The following SLC44A5 variants were observed in gnomAD, a reference collection of about 807,000 sequenced individuals.
SLC44A5 encodes choline transporter-like protein 5.
In SLC44A5, 57 loss-of-function variants were observed where a neutral mutation model predicts 101.8. That is an observed-to-expected ratio of 0.56 (90% CI 0.45 to 0.70). The LOEUF (loss-of-function observed/expected upper bound fraction) is 0.70, where lower values mean the gene tolerates loss of function less well. SLC44A5 is among the 30% of genes least tolerant of loss of function. The pLI, the probability that SLC44A5 is intolerant of heterozygous loss-of-function variation, is 0.00. For synonymous variants in SLC44A5, 281 were observed against 290.9 expected (o/e 0.97, Z 0.35); for missense variants, 737 against 853.1 (o/e 0.86, Z 1.70).
intron 2 of SLC44A5, among the ~76,000 whole-genome samples, chr1:75,526,355 A>T (rs1670406780): frequency 6.6e-6 from 1 of 152,156 alleles, no homozygotes; most frequent in African/African-American, 2.4e-5. Flanking sequence ...GTACTCCCCT[A>T]CTTTTCCCAG....
Position 75,580,777 on chromosome 1 carries a change from G to A in SLC44A5, c.-70+30263C>T, listed in dbSNP as rs548446330. Among the ~76,000 whole-genome samples the A allele has an allele frequency of 8.5e-3, 1,282 of 150,556 alleles. 7 individuals carry two copies. Among genetic ancestry groups the A allele is most frequent in the Non-Finnish European group, 0.015 (988 of 67,800 alleles). On this transcript the variant is annotated intron_variant, in intron 1 of 23. Transcript: ENST00000370859. ...CAGTAGAACCTGGGAGGCAGAGGTC[G>A]CAGTGAGCTGAGATCAAGCCACTGC...
intron 2 of SLC44A5, among the ~76,000 whole-genome samples, chr1:75,416,123 T>C (rs1160419421): frequency 6.6e-6 from 1 of 152,096 alleles, no homozygotes; most frequent in Non-Finnish European, 1.5e-5. Flanking sequence ...ATGTCAGAAG[T>C]CTTCATGGCA....
chr1:75,602,682 AGT>A (rs1675049080), intron 1 of SLC44A5, among the ~76,000 whole-genome samples: 1 of 152,234 alleles, frequency 6.6e-6, no homozygotes, highest in African/African-American at 2.4e-5. Context: ...ACCAAACAAA[AGT>A]GTGATAAGAG....
At chr1:75,303,060 C>T (rs1004053) in intron 4 of SLC44A5, among the ~76,000 whole-genome samples, 91,823 of 152,014 alleles carry the variant, frequency 0.6, 28,275 homozygotes, top group East Asian at 0.85. Flanking sequence ...GGGAGAACAA[C>T]TGTATTCATA....
intron 5 of SLC44A5, among the ~76,000 whole-genome samples, chr1:75,287,949 G>GGT (rs1653206136): frequency 2.6e-5 from 4 of 152,148 alleles, no homozygotes; most frequent in African/African-American, 4.8e-5. Context: ...ATGCTTTCAA[G>GGT]ACAGCATGTA....
intron 4 of SLC44A5, among the ~76,000 whole-genome samples, chr1:75,301,625 A>AT: frequency 6.6e-6 from 1 of 152,318 alleles, no homozygotes; most frequent in African/African-American, 2.4e-5. Context: ...TTACACACTT[A>AT]TTTTTTGAAG....
At chr1:75,492,212 G>C (rs1337973165) in intron 2 of SLC44A5, among the ~76,000 whole-genome samples, 1 of 152,070 alleles carries the variant, frequency 6.6e-6, no homozygotes, top group Non-Finnish European at 1.5e-5. Context: ...TTTTTCTCTT[G>C]AAATGCACAT....
At chr1:75,331,516 T>A (rs1401206962) in intron 4 of SLC44A5, among the ~76,000 whole-genome samples, 1 of 152,174 alleles carries the variant, frequency 6.6e-6, no homozygotes, top group African/African-American at 2.4e-5. Context: ...AGTGACTGAC[T>A]CCTTCACTTA....
rs371987762 is a variant in SLC44A5 at position 75,400,586 on chromosome 1, C to T, written c.14-3965G>A. On this transcript the variant is annotated intron_variant, in intron 2 of 23. Transcript: ENST00000370859. ...CTGCACTCATTTAACATTTGAGTTG[C>T]TCTAGCATTCTTGTCACTGTCAGCA... 1.1e-4 allele frequency among the ~76,000 whole-genome samples: 17 copies of T among 152,300 alleles called. No homozygotes were observed. The East Asian group carries it at 3.1e-3, about 28-fold the overall frequency.
At chr1:75,359,230 CTTTT>C in intron 3 of SLC44A5, among the ~76,000 whole-genome samples, 1 of 108,682 alleles carries the variant, frequency 9.2e-6, no homozygotes, top group Non-Finnish European at 1.9e-5. Context: ...ATTTTCTTTT[CTTTT>C]TTTTTTTTTT....
At chr1:75,467,562 CCA>C (rs1666890107) in intron 2 of SLC44A5, among the ~76,000 whole-genome samples, 1 of 152,066 alleles carries the variant, frequency 6.6e-6, no homozygotes, top group Non-Finnish European at 1.5e-5. Flanking sequence ...AATAAAGGTG[CCA>C]AGAACATACA....
intron 4 of SLC44A5, among the ~76,000 whole-genome samples, chr1:75,323,854 A>G (rs907045385): frequency 2.0e-5 from 3 of 152,228 alleles, no homozygotes; most frequent in African/African-American, 7.2e-5. Context: ...AAAAATGGCT[A>G]TTGAGCTCAT....
At chr1:75,611,144 T>C (rs920866222), upstream of SLC44A5, 2 of 972,000 alleles carry the variant, frequency 2.1e-6, no homozygotes, top group South Asian at 4.8e-5. Context: ...CATAAACACA[T>C]TGTGTTCCAG....
chr1:75,409,975 C>T, intron 2 of SLC44A5, among the ~76,000 whole-genome samples: 1 of 152,214 alleles, frequency 6.6e-6, no homozygotes, highest in East Asian at 1.9e-4. Context: ...TCCAGGATTC[C>T]TCAGCTCACA....
chr1:75,450,092 T>G (rs1183024317), intron 2 of SLC44A5, among the ~76,000 whole-genome samples: 1 of 152,122 alleles, frequency 6.6e-6, no homozygotes, highest in African/African-American at 2.4e-5. Context: ...ACTTGAATCA[T>G]GTAGGACACC....
At chr1:75,281,738 G>A (rs983125689) in intron 5 of SLC44A5, among the ~76,000 whole-genome samples, 4 of 149,326 alleles carry the variant, frequency 2.7e-5, no homozygotes, top group Non-Finnish European at 5.9e-5. Flanking sequence ...TCAGCCCATT[G>A]CTTCATAGGG....
At chr1:75,235,996 A>G (rs1505261) in intron 11 of SLC44A5, among the ~76,000 whole-genome samples, 42,839 of 151,936 alleles carry the variant, frequency 0.28, 6,345 homozygotes, top group Middle Eastern at 0.36. Context: ...GGAACACATA[A>G]GAAGAAGTAA....
intron 1 of SLC44A5, among the ~76,000 whole-genome samples, chr1:75,573,044 A>T (rs550188812): frequency 6.8e-6 from 1 of 146,932 alleles, no homozygotes; most frequent in South Asian, 2.2e-4. Flanking sequence ...AATTGCTTAA[A>T]CCCGGGAGGC....
chr1:75,544,920 T>C (rs552559214), intron 1 of SLC44A5, among the ~76,000 whole-genome samples: 1 of 152,160 alleles, frequency 6.6e-6, no homozygotes, highest in Admixed American at 6.6e-5. Context: ...TTTTGTTACA[T>C]AGGTGTATAC....
Sources: allele counts gnomAD v4.1 joint callset (sites outside exome capture counted in the v4.1 genomes callset), GRCh38; gene constraint gnomAD v4.1.1; transcripts MANE v1.5; gene names NCBI Gene and HGNC (gene_info 2026-07-23, HGNC 2026-07-21).